BNC2: variants seen among roughly 807,000 people sequenced by gnomAD.
BNC2 encodes the protein basonuclin zinc finger protein 2.
Under a neutral mutation model 76.3 loss-of-function variants are expected in BNC2, and 20 were observed. The ratio of observed to expected loss-of-function variants is 0.26; its 90% CI spans 0.18 to 0.38. BNC2 has a LOEUF of 0.38. Ranked by LOEUF, BNC2 falls within the 10% of genes least tolerant of loss-of-function variation. The pLI is 1.00. For synonymous variants in BNC2, 582 were observed against 514.8 expected, an observed-to-expected ratio of 1.13 and a Z score of -1.77; for missense variants, 1,382 against 1,399.8, an observed-to-expected ratio of 0.99 and a Z score of 0.20.
chr9:16,612,358 T>TCA (rs1267987144), intron 3 of BNC2, among the ~76,000 whole-genome samples: 3 of 152,168 alleles, frequency 2.0e-5, no homozygotes, highest in Non-Finnish European at 2.9e-5. Flanking sequence ...TGAAACAGTC[T>TCA]CACACACCCA....
At chr9:16,730,144 G>C (rs189503112) in intron 2 of BNC2, among the ~76,000 whole-genome samples, 1 of 151,908 alleles carries the variant, frequency 6.6e-6, no homozygotes, top group Non-Finnish European at 1.5e-5. Context: ...CTGGCATGCA[G>C]CAGCAAGCAC....
chr9:16,764,793 G>A (rs538761168), intron 1 of BNC2, among the ~76,000 whole-genome samples: 15 of 149,778 alleles, frequency 1.0e-4, no homozygotes, highest in Admixed American at 1.3e-4. Context: ...CAAATTTTAA[G>A]ATTTGGTAGC....
At position 16,410,527 on chromosome 9, in the gene BNC2, G is replaced by C. The variant is rs1349844640; in HGVS notation, c.*8462C>G. The C allele has an allele frequency of 6.6e-6, 1 of 152,580 alleles. No individual in the cohort carries two copies. The highest frequency in any genetic ancestry group is 1.5e-5 in the Non-Finnish European group (1 of 68,022). 9.5% of individuals were successfully genotyped at this position (152,580 alleles called of 1,614,324 possible). A position where few individuals can be genotyped will look rare whatever the true frequency, so the allele number is the denominator to read the frequency against. ...GGGCAGCTGAACCAAAGTTTGCACA[G>C]GAAAGCAAATGCACCATATACTAGA... On this transcript the variant is annotated 3_prime_UTR_variant, in exon 7 of 7. Transcript: ENST00000380672.
chr9:16,566,343 G>A (rs1819166933), intron 4 of BNC2, among the ~76,000 whole-genome samples: 1 of 152,158 alleles, frequency 6.6e-6, no homozygotes, highest in Non-Finnish European at 1.5e-5. Flanking sequence ...AGGGGTAAAT[G>A]TATGATTCCA....
intron 3 of BNC2, among the ~76,000 whole-genome samples, chr9:16,703,236 T>C (rs1823567670): frequency 1.3e-5 from 2 of 152,176 alleles, no homozygotes; most frequent in African/African-American, 2.4e-5. Flanking sequence ...CTTCAGATAA[T>C]CTAAATGTTA....
At chr9:16,700,368 A>G (rs906456645) in intron 3 of BNC2, among the ~76,000 whole-genome samples, 1 of 152,094 alleles carries the variant, frequency 6.6e-6, no homozygotes, top group Non-Finnish European at 1.5e-5. Flanking sequence ...TCTACAAAAA[A>G]TTAGCCAGGC....
chr9:16,504,461 T>C (rs1309565634), intron 5 of BNC2, among the ~76,000 whole-genome samples: 3 of 151,926 alleles, frequency 2.0e-5, no homozygotes, highest in Non-Finnish European at 4.4e-5. Flanking sequence ...ACTCCCAAAA[T>C]AGACTGGTTA....
intron 3 of BNC2, among the ~76,000 whole-genome samples, chr9:16,591,423 G>A (rs781004118): frequency 7.9e-5 from 12 of 152,206 alleles, no homozygotes; most frequent in South Asian, 6.2e-4. Flanking sequence ...AAAGATCTAC[G>A]GTTTTAAACA....
chr9:16,483,457 A>G (rs79575950), intron 5 of BNC2, among the ~76,000 whole-genome samples: 12,596 of 152,270 alleles, frequency 0.083, 690 homozygotes, highest in African/African-American at 0.15. Context: ...ATGCTAAACA[A>G]GACCATGTCC....
rs1587237268 is a variant in BNC2, at chr9:16,614,929, T to C, written c.331-31844A>G. Among the ~76,000 whole-genome samples the C allele has an allele frequency of 3.0e-5, 4 of 134,124 alleles. No individual in the cohort carries two copies. The South Asian group carries it at 7.8e-4, about 26-fold the overall frequency. 88.0% of individuals were successfully genotyped at this position (134,124 alleles called of 152,430 possible). On this transcript the variant is annotated intron_variant, in intron 3 of 6. Coordinates refer to ENST00000380672, the MANE Select transcript of BNC2 (RefSeq NM_017637.6). ...TGTCATCGGGCCACTGTATTCCAGC[T>C]TGGATGACAGAGTGAGACTCTGTCT...
At chr9:16,592,853 G>A (rs1199928548) in intron 3 of BNC2, among the ~76,000 whole-genome samples, 1 of 151,974 alleles carries the variant, frequency 6.6e-6, no homozygotes, top group Non-Finnish European at 1.5e-5. Flanking sequence ...GTTAATACAC[G>A]GACGGTGAAC....
chr9:16,516,684 CAA>C (rs1471703608), intron 5 of BNC2, among the ~76,000 whole-genome samples: 1 of 151,932 alleles, frequency 6.6e-6, no homozygotes, highest in Non-Finnish European at 1.5e-5. Flanking sequence ...TCTTAAAATC[CAA>C]AGTCATTTGA....
At chr9:16,818,703 G>A (rs1286837663) in intron 1 of BNC2, among the ~76,000 whole-genome samples, 1 of 152,054 alleles carries the variant, frequency 6.6e-6, no homozygotes, top group East Asian at 1.9e-4. Flanking sequence ...TTTTACTGTT[G>A]TTGTTTTGAG....
chr9:16,694,130 C>T (rs1394287410), intron 3 of BNC2, among the ~76,000 whole-genome samples: 3 of 152,044 alleles, frequency 2.0e-5, no homozygotes, highest in East Asian at 3.9e-4. Flanking sequence ...CTTACTTCAT[C>T]AGAGGCACAA....
chr9:16,865,054 A>G (rs538885761), intron 1 of BNC2, among the ~76,000 whole-genome samples: 1 of 144,860 alleles, frequency 6.9e-6, no homozygotes, highest in Non-Finnish European at 1.5e-5. Context: ...AAAAAAAAAG[A>G]CACTGAAAAG....
intron 3 of BNC2, among the ~76,000 whole-genome samples, chr9:16,620,976 C>T (rs1820850876): frequency 6.6e-6 from 1 of 152,162 alleles, no homozygotes; most frequent in Admixed American, 6.6e-5. Context: ...CCTCTATCCA[C>T]AATGTTATCT....
chr9:16,581,744 G>A (rs1225637019), intron 4 of BNC2, among the ~76,000 whole-genome samples: 1 of 152,112 alleles, frequency 6.6e-6, no homozygotes, highest in African/African-American at 2.4e-5. Flanking sequence ...AACATAAAGA[G>A]ACTGCAGAAG....
In BNC2 at chr9:16,847,401, C is replaced by CGGGGGGGG. The variant is rs869051853; in HGVS notation, c.3+23237_3+23244dup. Among the ~76,000 whole-genome samples, 91 of 10,292 alleles carry CGGGGGGGG rather than the reference C, an allele frequency of 8.8e-3. 1 individual carries two copies. The highest frequency in any genetic ancestry group is 0.034 in the Admixed American group (34 of 988). 6.8% of individuals were successfully genotyped at this position (10,292 alleles called of 152,430 possible). The stretch of plus-strand genomic sequence containing the variant: ...ACATCTCTCTGAAGATTTCTCGGGG[C>CGGGGGGGG]GGGGGGGGGGGGGCGGCGGGCAACA... On this transcript the variant is annotated intron_variant, in intron 1 of 6. Coordinates refer to ENST00000380672, the MANE Select transcript of BNC2 (RefSeq NM_017637.6).
chr9:16,793,404 A>C lies in BNC2; in HGVS notation c.4-54919T>G, dbSNP rs1337512027. ...TTTCATCAAGGTTCTGCCAGTGGTG[A>C]AAATGACATGGTTAGGATATGACTT... On this transcript the variant is annotated intron_variant, in intron 1 of 6. Transcript: ENST00000380672. 2.6e-5 allele frequency among the ~76,000 whole-genome samples: 4 copies of C among 152,228 alleles called. No individual in the cohort carries two copies. The East Asian group carries it at 7.7e-4, about 29-fold the overall frequency.
Sources: allele counts gnomAD v4.1 joint callset (sites outside exome capture counted in the v4.1 genomes callset), GRCh38; gene constraint gnomAD v4.1.1; transcripts MANE v1.5; gene names NCBI Gene and HGNC (gene_info 2026-07-23, HGNC 2026-07-21).